Variants in ZNF326 observed in about 807,000 individuals in gnomAD.
The protein encoded by ZNF326 is DBIRD complex subunit ZNF326.
In ZNF326, 30 loss-of-function variants were observed where a neutral mutation model predicts 63.1. That is an observed-to-expected ratio of 0.48 (90% CI 0.36 to 0.64). The LOEUF is 0.64. ZNF326 is among the 30% of genes least tolerant of loss of function. ZNF326 has a pLI of 0.00. For missense variants in ZNF326, 609 were observed against 720.3 expected, an observed-to-expected ratio of 0.85 and a Z score of 1.77; for synonymous variants, 194 against 228.2, an observed-to-expected ratio of 0.85 and a Z score of 1.35.
Position 90,027,740 on chromosome 1 carries a change from G to T in ZNF326, c.*39G>T. On this transcript the variant is annotated 3_prime_UTR_variant, in exon 12 of 12. Coordinates refer to ENST00000340281, the MANE Select transcript of ZNF326 (RefSeq NM_182976.4). Reference sequence around the variant, plus strand: ...GATTTAAAAGGAGCTTTACATTTCGGTTCTAATGTAAAAAAGGGTAAGAAA... The same window carrying T: ...GATTTAAAAGGAGCTTTACATTTCGTTTCTAATGTAAAAAAGGGTAAGAAA... The T allele has an allele frequency of 1.9e-6, 3 of 1,591,880 alleles. No individual in the cohort carries two copies. The highest frequency in any genetic ancestry group is 1.1e-5 in the South Asian group (1 of 89,294).
chr1:90,016,218 C>T (rs1041122280), intron 7 of ZNF326, among the ~76,000 whole-genome samples: 1 of 151,684 alleles, frequency 6.6e-6, no homozygotes, highest in Non-Finnish European at 1.5e-5. Flanking sequence ...AAACCAAGGC[C>T]CAGAAAACCA....
intron 1 of ZNF326, 104 bp from the exon 2 acceptor site, chr1:89,998,006 A>T: frequency 1.1e-6 from 1 of 932,950 alleles, no homozygotes; most frequent in Non-Finnish European, 1.7e-6. Context: ...TAATTGGGTT[A>T]ATGTCATTTT....
chr1:90,009,704 C>A (rs570901651), intron 5 of ZNF326, among the ~76,000 whole-genome samples: 2 of 152,068 alleles, frequency 1.3e-5, no homozygotes, highest in East Asian at 1.9e-4. Context: ...ATAAAGATTT[C>A]TTTTAGGGTC....
Position 90,027,926 on chromosome 1 carries a change from T to A in ZNF326, c.*225T>A. The A allele has an allele frequency of 1.9e-6, 1 of 516,184 alleles. No individual in the cohort carries two copies. The allele number at this position is 516,184 out of a possible 1,614,324, so 32.0% of individuals were successfully genotyped here. A position where few individuals can be genotyped will look rare whatever the true frequency, so the allele number is the denominator to read the frequency against. On this transcript the variant is annotated 3_prime_UTR_variant, in exon 12 of 12. Transcript: ENST00000340281. Reference sequence around the variant, plus strand: ...GCTACCAGACTTAGATCCGATAAATTGTTTGTATAATTTTTAAGCTTAATT... The same window carrying A: ...GCTACCAGACTTAGATCCGATAAATAGTTTGTATAATTTTTAAGCTTAATT...
In ZNF326 at chr1:89,998,143, A is replaced by G; in HGVS notation, c.50A>G (p.Gln17Arg). Residue 17 changes from glutamine (Q) to arginine (R), a missense_variant, in exon 2 of 12, where the codon CAG (glutamine) becomes CGG (arginine). Gln to Arg is a conservative substitution (Grantham distance 43). Around this residue, in one of 3 missense-constraint regions of ZNF326, gnomAD observed 97 missense variants for 88.7 expected, o/e 1.09. Transcript: ENST00000340281. ...YTHSACRNTY[Q>R]GFNGMDRDYG... The stretch of plus-strand genomic sequence containing the variant: ...CACTCCGCCTGCAGGAATACTTATC[A>G]GGGCTTTAATGGTAAGTATCCTCTT... 1 of 1,613,278 alleles carries G rather than the reference A, an allele frequency of 6.2e-7. No individual in the cohort carries two copies. Among genetic ancestry groups the G allele is most frequent in the Non-Finnish European group, 8.5e-7 (1 of 1,179,870 alleles).
chr1:90,005,818 C>G (rs1648960073), intron 4 of ZNF326: 2 of 985,332 alleles, frequency 2.0e-6, no homozygotes, highest in South Asian at 9.4e-5. Context: ...ACTACTTACA[C>G]CAAAGCACTT....
chr1:90,013,401 A>G (rs1330818260), intron 7 of ZNF326, among the ~76,000 whole-genome samples, 164 bp downstream of exon 7: 2 of 152,240 alleles, frequency 1.3e-5, no homozygotes, highest in Non-Finnish European at 2.9e-5. Context: ...TGTAATCACT[A>G]CTTAGAAAAC....
chr1:89,998,112 T>A lies in ZNF326; in HGVS notation c.19T>A (p.Tyr7Asn). ...TTTTGTTAAATGTGTCTTCATAGAT[T>A]ACACACACTCCGCCTGCAGGAATAC... is the stretch of plus-strand genomic sequence containing the variant. MDFEDD[Y>N]THSACRNTYQ... Residue 7 changes from tyrosine to asparagine, a missense_variant and splice_region_variant, in exon 2 of 12, where the codon TAC becomes AAC. Physicochemically the swap from Tyr to Asn is moderately radical, Grantham distance 143 (BLOSUM62 -2). This residue lies in a region of ZNF326 where 97 missense variants were observed against 88.7 expected (regional missense o/e 1.09). Coordinates refer to ENST00000340281, the MANE Select transcript of ZNF326 (RefSeq NM_182976.4). 6.2e-7 allele frequency: 1 copy of A among 1,612,766 alleles called. No homozygotes were observed. Among genetic ancestry groups the A allele is most frequent in the Non-Finnish European group, 8.5e-7 (1 of 1,179,600 alleles).
chr1:90,005,930 A>G, intron 4 of ZNF326: 2 of 985,440 alleles, frequency 2.0e-6, no homozygotes, highest in Non-Finnish European at 2.4e-6. Context: ...TAAAGCTTAA[A>G]CCTACTTAAA....
intron 2 of ZNF326, among the ~76,000 whole-genome samples, 184 bp from the exon 3 acceptor site, chr1:90,004,819 T>TTTTA (rs1553135566): frequency 2.0e-5 from 3 of 148,718 alleles, no homozygotes; most frequent in Non-Finnish European, 3.0e-5. Context: ...TTTTTTTTTT[T>TTTTA]AGCAAATTTG....
intron 7 of ZNF326, among the ~76,000 whole-genome samples, chr1:90,014,676 C>T (rs990444689): frequency 1.3e-4 from 20 of 152,050 alleles, no homozygotes; most frequent in African/African-American, 4.8e-4. Context: ...GTGGCAAGAC[C>T]TCATCTCTAA....
In ZNF326 at chr1:90,034,096, A is replaced by C. The variant is rs1650393513; in HGVS notation, c.*6395A>C. 6.6e-6 allele frequency: 1 copy of C among 152,122 alleles called. No individual in the cohort carries two copies. Among genetic ancestry groups the C allele is most frequent in the Non-Finnish European group, 1.5e-5 (1 of 67,982 alleles). The allele number at this position is 152,122 out of a possible 1,614,324, so 9.4% of individuals were successfully genotyped here. A position where few individuals can be genotyped will look rare whatever the true frequency, so the allele number is the denominator to read the frequency against. On this transcript the variant is annotated 3_prime_UTR_variant, in exon 12 of 12. Transcript: ENST00000340281. ...CAAAATGTCTAAAGAGAAACAGTGT[A>C]CCTATAAGGGGAAAAGAATCACATT...
intron 2 of ZNF326, among the ~76,000 whole-genome samples, chr1:89,998,895 T>C (rs745987841): frequency 6.6e-6 from 1 of 152,194 alleles, no homozygotes; most frequent in Non-Finnish European, 1.5e-5. Context: ...ATTCACAAAG[T>C]AAAACTGAAG....
Position 90,027,845 on chromosome 1 carries a change from T to C in ZNF326, c.*144T>C, listed in dbSNP as rs1017321746. The C allele has an allele frequency of 1.3e-6, 1 of 741,810 alleles. No individual in the cohort carries two copies. Among genetic ancestry groups the C allele is most frequent in the Admixed American group, 3.4e-5 (1 of 29,758 alleles). 46.0% of individuals were successfully genotyped at this position (741,810 alleles called of 1,614,324 possible). On this transcript the variant is annotated 3_prime_UTR_variant, in exon 12 of 12. Transcript: ENST00000340281. ...AAATTTGTTTTATATAATTTCTAAATGTTTAACATTTGTTTAATAAAATGA... is the reference window on the plus strand; with the variant it reads ...AAATTTGTTTTATATAATTTCTAAACGTTTAACATTTGTTTAATAAAATGA...
chr1:90,002,382 C>T (rs1471930624), intron 2 of ZNF326, among the ~76,000 whole-genome samples: 1 of 152,120 alleles, frequency 6.6e-6, no homozygotes, highest in Non-Finnish European at 1.5e-5. Flanking sequence ...TATTCAAAGG[C>T]AGCCAGTGCT....
intron 2 of ZNF326, among the ~76,000 whole-genome samples, chr1:90,001,466 G>A (rs1557515726): frequency 1.3e-5 from 2 of 152,158 alleles, no homozygotes; most frequent in Non-Finnish European, 2.9e-5. Context: ...CTTGTAGTAG[G>A]GTGCTGGTAG....
chr1:90,027,489 G>A lies in ZNF326; in HGVS notation c.1537G>A (p.Gly513Arg). Residue 513 changes from glycine to arginine, a missense_variant, in exon 12 of 12, where the codon GGG (glycine) becomes AGG (arginine). Transcript: ENST00000340281. Reference protein sequence around the residue: ...EDEEEEAEEVGEVEEVEEVEE... With the variant: ...EDEEEEAEEVREVEEVEEVEE... ...TGAGGAAGAAGAAGCAGAGGAAGTG[G>A]GGGAAGTAGAGGAAGTGGAAGAAGT... 3 of 1,613,612 alleles carry A rather than the reference G, an allele frequency of 1.9e-6. No homozygotes were observed. The highest frequency in any genetic ancestry group is 2.5e-6 in the Non-Finnish European group (3 of 1,179,774).
At chr1:90,017,244 ATG>A in intron 7 of ZNF326, 71 bp from the exon 8 acceptor site, 1 of 1,053,136 alleles carries the variant, frequency 9.5e-7, no homozygotes, top group South Asian at 1.8e-5. Context: ...ATTAGTTTCA[ATG>A]TTATATTCTT....
Position 90,013,250 on chromosome 1 carries a change from A to G in ZNF326, c.926+13A>G, listed in dbSNP as rs776430497. On this transcript the variant is annotated intron_variant, in intron 7 of 11. Transcript: ENST00000340281. ...GAGATGGATACAGGTTTGTACTTAG[A>G]GTCAGAAAATTAGGTTCATTAAAAA... 18 of 1,525,478 alleles carry G rather than the reference A, an allele frequency of 1.2e-5. No homozygotes were observed. The highest frequency in any genetic ancestry group is 1.5e-5 in the Non-Finnish European group (17 of 1,134,518). 94.5% of individuals were successfully genotyped at this position (1,525,478 alleles called of 1,614,324 possible). A position where few individuals can be genotyped will look rare whatever the true frequency, so the allele number is the denominator to read the frequency against.
Sources: gnomAD v4.1 joint callset for allele counts (sites outside exome capture counted in the v4.1 genomes callset) on GRCh38, gnomAD v4.1.1 for gene constraint, gnomAD v4.1.1 regional missense constraint, MANE v1.5 for transcripts, NCBI Gene and HGNC (gene_info 2026-07-23, HGNC 2026-07-21) for gene names.